GKAP1: variants seen among roughly 807,000 people sequenced by gnomAD.
GKAP1 encodes the protein G kinase-anchoring protein 1.
A neutral mutation model predicts 56.7 loss-of-function variants in GKAP1; 31 were observed. The observed-to-expected ratio is 0.55, with a 90% confidence interval of 0.41 to 0.74. The LOEUF is 0.74. Among genes scored for constraint, GKAP1 ranks in the 30% least tolerant of loss-of-function variants. The probability of loss-of-function intolerance (pLI) is 0.00; values close to 1 mark genes in which losing one functional copy is unlikely to be tolerated. For missense variants in GKAP1, 364 were observed against 402.3 expected, an observed-to-expected ratio of 0.90 and a Z score of 0.82; for synonymous variants, 151 against 138.6, an observed-to-expected ratio of 1.09 and a Z score of -0.63.
chr9:83,753,157 T>G (rs1331755610), intron 9 of GKAP1, 101 bp downstream of exon 9: 1 of 660,952 alleles, frequency 1.5e-6, no homozygotes, highest in African/African-American at 1.8e-5. Flanking sequence ...AGAATGACTA[T>G]TCCCATGAAT....
intron 8 of GKAP1, among the ~76,000 whole-genome samples, chr9:83,758,384 T>C (rs2131251338): frequency 6.6e-6 from 1 of 152,270 alleles, no homozygotes; most frequent in Admixed American, 6.5e-5. Context: ...ATTATTGTTG[T>C]AATTATTTTA....
chr9:83,753,019 C>G (rs894690457), intron 9 of GKAP1, among the ~76,000 whole-genome samples: 1 of 152,146 alleles, frequency 6.6e-6, no homozygotes, highest in African/African-American at 2.4e-5. Flanking sequence ...GAGATCACTC[C>G]ATTGCACTCC....
chr9:83,743,804 T>C (rs1943246444), intron 10 of GKAP1, among the ~76,000 whole-genome samples: 1 of 152,146 alleles, frequency 6.6e-6, no homozygotes, highest in Non-Finnish European at 1.5e-5. Flanking sequence ...GAGGCTTCTC[T>C]CTCTTGGGAG....
intron 8 of GKAP1, among the ~76,000 whole-genome samples, chr9:83,763,654 T>TC (rs1390676606): frequency 6.6e-6 from 1 of 152,166 alleles, no homozygotes; most frequent in Non-Finnish European, 1.5e-5. Flanking sequence ...CCATCTCTGA[T>TC]CCCCTTTCCT....
intron 7 of GKAP1, among the ~76,000 whole-genome samples, chr9:83,771,872 T>G (rs1943768345): frequency 6.6e-6 from 1 of 152,190 alleles, no homozygotes. Flanking sequence ...GAGATTATAA[T>G]TATAATTATA....
At position 83,741,968 on chromosome 9, in the gene GKAP1, T is replaced by G; in HGVS notation, c.1037A>C (p.Glu346Ala). The change falls in exon 12 of 13, where the codon GAG becomes GCG. Residue 346 changes from glutamate (E) to alanine (A), a missense_variant. By Grantham distance (107) the Glu-to-Ala change is moderately radical. Transcript: ENST00000376371. ...AAAGCATACCTGGTATTTGGCTAAC[T>G]CTGCTTGTAATACTTTCACTTTAGA... The part of the protein sequence containing the change: ...ERSKVKVLQA[E>A]LAKYQGGRKG... 1 of 1,591,458 alleles carries G rather than the reference T, an allele frequency of 6.3e-7. No homozygotes were observed. The highest frequency in any genetic ancestry group is 8.6e-7 in the Non-Finnish European group (1 of 1,168,478).
chr9:83,792,918 TA>T, intron 4 of GKAP1: 4 of 815,464 alleles, frequency 4.9e-6, no homozygotes, highest in South Asian at 2.6e-5. Context: ...TAGCAGGCAC[TA>T]AAATGCCTAC....
Position 83,776,310 on chromosome 9 carries a change from T to C in GKAP1, c.585+4072A>G, listed in dbSNP as rs150046121. 2.5e-3 allele frequency among the ~76,000 whole-genome samples: 385 copies of C among 152,314 alleles called. 2 individuals carry two copies. Among genetic ancestry groups the C allele is most frequent in the African/African-American group, 9.0e-3 (375 of 41,560 alleles). ...AAGAATAGAAAATAGGTTGAATCTT[T>C]AGGTAAAACCAGATTCTAGGTGAGA... is the stretch of plus-strand genomic sequence containing the variant. On this transcript the variant is annotated intron_variant, in intron 7 of 12. Coordinates refer to ENST00000376371, the MANE Select transcript of GKAP1 (RefSeq NM_025211.4).
intron 10 of GKAP1, 23 bp from the exon 11 acceptor site, chr9:83,742,623 A>G (rs757593850): frequency 6.4e-7 from 1 of 1,561,372 alleles, no homozygotes; most frequent in East Asian, 2.2e-5. Context: ...GAAAAACAGC[A>G]GTATAGATTT....
intron 10 of GKAP1, among the ~76,000 whole-genome samples, chr9:83,747,529 T>C (rs1299636168): frequency 6.6e-6 from 1 of 152,192 alleles, no homozygotes; most frequent in East Asian, 1.9e-4. Context: ...CAGTAAGTTA[T>C]AAGAATTGAA....
At chr9:83,804,520 A>C (rs1944398841) in intron 3 of GKAP1, among the ~76,000 whole-genome samples, 1 of 61,046 alleles carries the variant, frequency 1.6e-5, no homozygotes, top group Non-Finnish European at 3.2e-5. Flanking sequence ...TCCGGGAGGG[A>C]GGTGGGGGGG....
intron 9 of GKAP1, among the ~76,000 whole-genome samples, chr9:83,752,588 G>A (rs1943409357): frequency 6.6e-6 from 1 of 152,156 alleles, no homozygotes; most frequent in South Asian, 2.1e-4. Context: ...TGTGGGTTAA[G>A]AGTTTCTGCC....
chr9:83,807,064 G>A (rs1044494040), intron 2 of GKAP1, among the ~76,000 whole-genome samples: 1 of 152,120 alleles, frequency 6.6e-6, no homozygotes, highest in Non-Finnish European at 1.5e-5. Flanking sequence ...AGAACTGACA[G>A]CAAAAATAAA....
intron 5 of GKAP1, 134 bp from the exon 6 acceptor site, chr9:83,784,972 AAATTGTAT>A: frequency 1.8e-6 from 1 of 569,896 alleles, no homozygotes. Context: ...TAGGCTAGCC[AAATTGTAT>A]AAAGAGATAC....
At chr9:83,795,206 A>G (rs1443169205) in intron 4 of GKAP1, among the ~76,000 whole-genome samples, 3 of 151,986 alleles carry the variant, frequency 2.0e-5, no homozygotes, top group Non-Finnish European at 4.4e-5. Flanking sequence ...CAACCAAGTC[A>G]AAGCCATGCC....
At chr9:83,753,446 A>C in intron 8 of GKAP1, 87 bp from the exon 9 acceptor site, 2 of 879,144 alleles carry the variant, frequency 2.3e-6, no homozygotes, top group Non-Finnish European at 3.7e-6. Flanking sequence ...TTTAAGAGGA[A>C]AAATTCTGAC....
In GKAP1 at chr9:83,788,694, T is replaced by A; in HGVS notation, c.361-16A>T. On this transcript the variant is annotated splice_polypyrimidine_tract_variant and intron_variant, in intron 4 of 12. Transcript: ENST00000376371. ...CAGATGTCAGCTACAAAAAAAAAGTTTCACAATAAACAGACAGTATCATTA... is the reference window on the plus strand; with the variant it reads ...CAGATGTCAGCTACAAAAAAAAAGTATCACAATAAACAGACAGTATCATTA... The A allele has an allele frequency of 6.4e-7, 1 of 1,569,454 alleles. No homozygotes were observed. Among genetic ancestry groups the A allele is most frequent in the Non-Finnish European group, 8.7e-7 (1 of 1,145,040 alleles).
chr9:83,754,769 A>T (rs1019366782), intron 8 of GKAP1, among the ~76,000 whole-genome samples: 2 of 152,348 alleles, frequency 1.3e-5, no homozygotes, highest in South Asian at 2.1e-4. Flanking sequence ...TATTCTGAGT[A>T]AAACAGAAAG....
intron 5 of GKAP1, among the ~76,000 whole-genome samples, chr9:83,787,170 C>G (rs1944078942): frequency 6.6e-6 from 1 of 152,190 alleles, no homozygotes; most frequent in African/African-American, 2.4e-5. Context: ...ATAATATATA[C>G]AGCCCACTTT....
Sources: gnomAD v4.1 joint callset for allele counts (sites outside exome capture counted in the v4.1 genomes callset) on GRCh38, gnomAD v4.1.1 for gene constraint, MANE v1.5 for transcripts, NCBI Gene and HGNC (gene_info 2026-07-23, HGNC 2026-07-21) for gene names.